DLGAP1: variants seen among roughly 807,000 people sequenced by gnomAD.
DLGAP1 encodes the protein DLG associated protein 1.
DLGAP1 carries 11 observed loss-of-function variants against 90.8 expected under a neutral mutation model. The observed-to-expected ratio is 0.12, with a 90% CI of 0.08 to 0.20. The LOEUF (loss-of-function observed/expected upper bound fraction) is 0.20, where lower values mean the gene tolerates loss of function less well. DLGAP1 is among the 10% of genes least tolerant of loss of function. The pLI is 1.00. For missense variants in DLGAP1, 1,050 were observed against 1,333.8 expected, an observed-to-expected ratio of 0.79 and a Z score of 3.31; for synonymous variants, 558 against 540.7, an observed-to-expected ratio of 1.03 and a Z score of -0.44.
chr18:3,531,034 A>G (rs893915220), intron 10 of DLGAP1, among the ~76,000 whole-genome samples: 1 of 152,182 alleles, frequency 6.6e-6, no homozygotes, highest in Non-Finnish European at 1.5e-5. Flanking sequence ...ACTCCATTTC[A>G]TTAAAAAAAT....
In DLGAP1 at chr18:3,684,047, C is replaced by T. The variant is rs183379982; in HGVS notation, c.1591+45088G>A. 2.7e-3 allele frequency among the ~76,000 whole-genome samples: 409 copies of T among 152,154 alleles called. 5 individuals are homozygous for T. The highest frequency in any genetic ancestry group is 9.0e-3 in the African/African-American group (374 of 41,524). On this transcript the variant is annotated intron_variant, in intron 7 of 12. Coordinates refer to ENST00000315677, the MANE Select transcript of DLGAP1 (RefSeq NM_004746.4). The stretch of plus-strand genomic sequence containing the variant: ...GCCTATTGTTATTCAGGAACAGAAA[C>T]AAGGTGATGTTTGATCCAGCTAGTT...
chr18:4,151,416 A>C (rs1409467970), intron 1 of DLGAP1, 129 bp from the exon 2 acceptor site: 2 of 152,252 alleles, frequency 1.3e-5, no homozygotes, highest in Non-Finnish European at 2.9e-5. Context: ...AGTTTCATAG[A>C]AAATCTACAT....
intron 7 of DLGAP1, among the ~76,000 whole-genome samples, chr18:3,600,204 C>T (rs1220495886): frequency 6.6e-6 from 1 of 152,184 alleles, no homozygotes; most frequent in African/African-American, 2.4e-5. Context: ...ATTAGTTCAT[C>T]ACCATGCATG....
At chr18:4,212,455 C>T (rs1776608545) in intron 1 of DLGAP1, among the ~76,000 whole-genome samples, 2 of 149,978 alleles carry the variant, frequency 1.3e-5, no homozygotes, top group South Asian at 4.2e-4. Context: ...CACTTGAGGT[C>T]AAGAGTTTGA....
chr18:3,695,026 G>A (rs570309177), intron 7 of DLGAP1, among the ~76,000 whole-genome samples: 6 of 148,196 alleles, frequency 4.0e-5, no homozygotes, highest in Admixed American at 2.8e-4. Flanking sequence ...TGCAAGCTCC[G>A]CCTCCTGGGT....
intron 1 of DLGAP1, among the ~76,000 whole-genome samples, chr18:4,290,187 T>C (rs995356734): frequency 6.6e-6 from 1 of 152,190 alleles, no homozygotes; most frequent in African/African-American, 2.4e-5. Context: ...ATTTCACATC[T>C]TGCAAAAAAT....
At chr18:4,313,488 A>T (rs1213273897) in intron 1 of DLGAP1, among the ~76,000 whole-genome samples, 1 of 152,288 alleles carries the variant, frequency 6.6e-6, no homozygotes, top group African/African-American at 2.4e-5. Flanking sequence ...CTGCCTTTAA[A>T]TGCTTATTCT....
At chr18:3,889,886 A>G (rs1196109622) in intron 3 of DLGAP1, among the ~76,000 whole-genome samples, 1 of 152,194 alleles carries the variant, frequency 6.6e-6, no homozygotes, top group East Asian at 1.9e-4. Flanking sequence ...GGCCCTACAG[A>G]GGGAGTGTGT....
intron 1 of DLGAP1, among the ~76,000 whole-genome samples, chr18:4,437,830 G>A (rs1329553443): frequency 2.0e-5 from 3 of 152,096 alleles, no homozygotes; most frequent in Non-Finnish European, 1.5e-5. Context: ...TTAAGGTAGG[G>A]AAATAGGAAT....
At chr18:4,254,948 C>T (rs902696717) in intron 1 of DLGAP1, among the ~76,000 whole-genome samples, 2 of 152,198 alleles carry the variant, frequency 1.3e-5, no homozygotes, top group African/African-American at 2.4e-5. Context: ...TTCAATGGAA[C>T]GTAATCTAGG....
intron 1 of DLGAP1, among the ~76,000 whole-genome samples, chr18:4,453,169 A>C (rs898940759): frequency 6.6e-6 from 1 of 152,208 alleles, no homozygotes; most frequent in South Asian, 2.1e-4. Flanking sequence ...TTTAAGTACT[A>C]AATCTAAAGG....
intron 11 of DLGAP1, 140 bp from the exon 12 acceptor site, chr18:3,502,785 G>T: frequency 1.2e-6 from 1 of 863,586 alleles, no homozygotes; most frequent in Non-Finnish European, 1.8e-6. Flanking sequence ...TAAAAGTGAG[G>T]TTACAAATGT....
intron 4 of DLGAP1, among the ~76,000 whole-genome samples, chr18:3,853,083 C>G (rs2095877216): frequency 6.6e-6 from 1 of 152,066 alleles, no homozygotes; most frequent in Admixed American, 6.5e-5. Flanking sequence ...CCTCTTCTTG[C>G]AGGTTTTATA....
intron 10 of DLGAP1, among the ~76,000 whole-genome samples, chr18:3,522,448 T>A (rs2051267489): frequency 6.6e-6 from 1 of 151,766 alleles, no homozygotes; most frequent in Admixed American, 6.6e-5. Context: ...CCCACCTAGC[T>A]TTTTCCCCCA....
chr18:3,583,164 A>T (rs7228632), intron 7 of DLGAP1, among the ~76,000 whole-genome samples: 3,106 of 127,172 alleles, frequency 0.024, 97 homozygotes, highest in East Asian at 0.081. Context: ...CTACCTACCT[A>T]CCTACCTACC....
At chr18:3,599,676 G>A (rs1210034252) in intron 7 of DLGAP1, among the ~76,000 whole-genome samples, 2 of 152,208 alleles carry the variant, frequency 1.3e-5, no homozygotes, top group East Asian at 1.9e-4. Flanking sequence ...CTAGAGTGTA[G>A]TGGCGCGATC....
At position 4,301,322 on chromosome 18, in the gene DLGAP1, T is replaced by C. The variant is rs141041353; in HGVS notation, c.-266-150035A>G. Among the ~76,000 whole-genome samples, 9 of 152,306 alleles carry C rather than the reference T, an allele frequency of 5.9e-5. No homozygotes were observed. The East Asian group carries it at 1.7e-3, about 29-fold the overall frequency. ...ACCTCTCAGCCTCTGGTAACCATCA[T>C]TCCACTCTCTACTTCTGTAAGTTAG... On this transcript the variant is annotated intron_variant, in intron 1 of 12. Transcript: ENST00000315677.
intron 2 of DLGAP1, among the ~76,000 whole-genome samples, chr18:4,106,559 T>C (rs1445578978): frequency 6.6e-6 from 1 of 152,202 alleles, no homozygotes; most frequent in Non-Finnish European, 1.5e-5. Flanking sequence ...TTTGCTAAAA[T>C]AAATGCATAA....
chr18:3,765,159 G>A (rs151175635), intron 5 of DLGAP1, among the ~76,000 whole-genome samples: 4,349 of 121,472 alleles, frequency 0.036, 204 homozygotes, highest in Middle Eastern at 0.1. Context: ...ACAGAGTCTC[G>A]CTCTGTTGCC....
Sources: allele counts gnomAD v4.1 joint callset (sites outside exome capture counted in the v4.1 genomes callset), GRCh38; gene constraint gnomAD v4.1.1; transcripts MANE v1.5; gene names NCBI Gene and HGNC (gene_info 2026-07-23, HGNC 2026-07-21).